CXADR: variants seen among roughly 807,000 people sequenced by gnomAD.
The protein encoded by CXADR is coxsackievirus and adenovirus receptor.
Under a neutral mutation model 40.3 loss-of-function variants are expected in CXADR, and 20 were observed. The ratio of observed to expected loss-of-function variants is 0.50; its 90% CI spans 0.35 to 0.72. The LOEUF (loss-of-function observed/expected upper bound fraction) is 0.72. Ranked by LOEUF, CXADR falls within the 30% of genes least tolerant of loss-of-function variation. The pLI, the probability that CXADR is intolerant of heterozygous loss-of-function variation, is 0.01. For synonymous variants in CXADR, 150 were observed against 161.3 expected, an observed-to-expected ratio of 0.93 and a Z score of 0.53; for missense variants, 332 against 449.1, an observed-to-expected ratio of 0.74 and a Z score of 2.36.
chr21:17,524,524 C>T (rs528973796), intron 1 of CXADR, among the ~76,000 whole-genome samples: 64 of 130,936 alleles, frequency 4.9e-4, no homozygotes, highest in Non-Finnish European at 7.6e-4. Context: ...TGCAGTGAGC[C>T]GAGATCATGC....
chr21:17,565,870 G>A lies in CXADR; in HGVS notation c.*178G>A. On this transcript the variant is annotated 3_prime_UTR_variant, in exon 7 of 7. Transcript: ENST00000284878. Reference sequence around the variant, plus strand: ...GTTTGGTTATATCGAAATAGTTACAGGCACTAAAGTTAGTAAAGAAAAGTT... The same window carrying A: ...GTTTGGTTATATCGAAATAGTTACAAGCACTAAAGTTAGTAAAGAAAAGTT... 7.8e-7 allele frequency: 1 copy of A among 1,275,464 alleles called. No individual in the cohort carries two copies. Among genetic ancestry groups the A allele is most frequent in the East Asian group, 3.0e-5 (1 of 33,548 alleles). The allele number at this position is 1,275,464 out of a possible 1,614,324, so 79.0% of individuals were successfully genotyped here.
chr21:17,589,648 G>T (rs2061421156), intron 7 of CXADR, among the ~76,000 whole-genome samples: 1 of 151,648 alleles, frequency 6.6e-6, no homozygotes, highest in South Asian at 2.1e-4. Context: ...TCCTTGAACA[G>T]ATGTTCAAAT....
intron 1 of CXADR, among the ~76,000 whole-genome samples, chr21:17,535,747 C>T (rs1428496285): frequency 6.6e-6 from 1 of 152,192 alleles, no homozygotes; most frequent in African/African-American, 2.4e-5. Flanking sequence ...TGGCTTACAC[C>T]TGTACTCCCA....
At chr21:17,617,630 G>T in the CXADR span, among the ~76,000 whole-genome samples, 1 of 152,184 alleles carries the variant, frequency 6.6e-6, no homozygotes, top group Non-Finnish European at 1.5e-5. Flanking sequence ...TATTAAGTGT[G>T]CAGTAGCATT....
chr21:17,585,577 G>A (rs949198509), intron 7 of CXADR, among the ~76,000 whole-genome samples: 7 of 152,204 alleles, frequency 4.6e-5, no homozygotes, highest in South Asian at 2.1e-4. Flanking sequence ...GAGTACAGTG[G>A]CGCCATCTCG....
intron 1 of CXADR, chr21:17,543,131 G>A (rs556110591): frequency 3.8e-6 from 1 of 264,112 alleles, no homozygotes; most frequent in Non-Finnish European, 7.7e-6. Context: ...AATATCATAA[G>A]CAGCATACTC....
At chr21:17,612,501 G>GCCGCCCTCGCGGC in the CXADR span, 7 of 149,560 alleles carry the variant, frequency 4.7e-5, no homozygotes, top group Non-Finnish European at 7.4e-5. Context: ...AGCCTCGCGG[G>GCCGCCCTCGCGGC]CCGCCCTCGC....
intron 4 of CXADR, 110 bp downstream of exon 4, chr21:17,559,241 G>T: frequency 9.0e-7 from 1 of 1,113,000 alleles, no homozygotes. Flanking sequence ...CAGGCTCACT[G>T]CAATCACGGC....
At chr21:17,553,421 A>G (rs2060994628) in intron 3 of CXADR, among the ~76,000 whole-genome samples, 1 of 152,172 alleles carries the variant, frequency 6.6e-6, no homozygotes, top group African/African-American at 2.4e-5. Context: ...GGTGAAATGC[A>G]TCATTCTGAA....
downstream of CXADR, among the ~76,000 whole-genome samples, chr21:17,571,459 T>C (rs2061276775): frequency 6.6e-6 from 1 of 152,350 alleles, no homozygotes; most frequent in African/African-American, 2.4e-5. Context: ...TTTAATCTTA[T>C]AGCTCTAATG....
intron 1 of CXADR, among the ~76,000 whole-genome samples, chr21:17,531,423 C>A (rs1447340245): frequency 6.6e-6 from 1 of 151,820 alleles, no homozygotes. Context: ...TTATAATTTT[C>A]TTTTCTTATT....
At chr21:17,587,616 A>C (rs2061407007) in intron 7 of CXADR, among the ~76,000 whole-genome samples, 1 of 152,184 alleles carries the variant, frequency 6.6e-6, no homozygotes, top group South Asian at 2.1e-4. Context: ...GTTGGAGTTC[A>C]TTGTAGATTC....
At chr21:17,560,901 T>C (rs1236222546) in intron 5 of CXADR, 77 bp downstream of exon 5, 2 of 1,572,684 alleles carry the variant, frequency 1.3e-6, no homozygotes, top group Non-Finnish European at 1.7e-6. Flanking sequence ...TCAGCAAGTG[T>C]GTATTAAGGA....
the CXADR span, among the ~76,000 whole-genome samples, chr21:17,632,517 G>A: frequency 2.0e-5 from 3 of 152,152 alleles, no homozygotes; most frequent in Non-Finnish European, 2.9e-5. Flanking sequence ...TCCAAAGCGC[G>A]ACATTTAGGA....
At chr21:17,540,577 CTGAGGTAGG>C (rs2060814588) in intron 1 of CXADR, among the ~76,000 whole-genome samples, 1 of 152,162 alleles carries the variant, frequency 6.6e-6, no homozygotes, top group Non-Finnish European at 1.5e-5. Flanking sequence ...TGCTCTTTGT[CTGAGGTAGG>C]TGAGCTTGAA....
At chr21:17,535,787 G>A (rs1163031752) in intron 1 of CXADR, among the ~76,000 whole-genome samples, 6 of 152,114 alleles carry the variant, frequency 3.9e-5, no homozygotes, top group Non-Finnish European at 5.9e-5. Flanking sequence ...CAGGTGGATC[G>A]CCTGAGTTCG....
chr21:17,541,952 T>A (rs2060835354), intron 1 of CXADR: 1 of 290,606 alleles, frequency 3.4e-6, no homozygotes, highest in African/African-American at 2.3e-5. Context: ...TACTTTGACA[T>A]TATGTAACAA....
At chr21:17,616,335 C>CT in the CXADR span, among the ~76,000 whole-genome samples, 21,820 of 122,830 alleles carry the variant, frequency 0.18, 2,499 homozygotes, top group African/African-American at 0.22. Flanking sequence ...ATACAAAAGT[C>CT]TTTTTTTTTT....
downstream of CXADR, chr21:17,594,116 G>A: frequency 6.2e-7 from 1 of 1,613,050 alleles, no homozygotes. Flanking sequence ...AACATGTGAG[G>A]ATTAATCCAG....
Sources: gnomAD v4.1 joint callset for allele counts (sites outside exome capture counted in the v4.1 genomes callset) on GRCh38, gnomAD v4.1.1 for gene constraint, MANE v1.5 for transcripts, NCBI Gene and HGNC (gene_info 2026-07-23, HGNC 2026-07-21) for gene names.